The following ADGRG6 variants were observed in gnomAD, a reference collection of about 807,000 sequenced individuals.
ADGRG6 encodes the protein adhesion G protein-coupled receptor G6.
ADGRG6 carries 84 observed loss-of-function variants against 142.4 expected under a neutral mutation model. That is an observed-to-expected ratio of 0.59 (90% confidence interval 0.49 to 0.71). The LOEUF is 0.71. ADGRG6 is among the 30% of genes least tolerant of loss of function. The pLI is 0.00. For synonymous variants in ADGRG6, 521 were observed against 520.5 expected (o/e 1.00, Z -0.01); for missense variants, 1,367 against 1,466.6 (o/e 0.93, Z 1.11).
intron 21 of ADGRG6, 23 bp downstream of exon 21, chr6:142,417,392 G>A: frequency 1.0e-6 from 1 of 982,518 alleles, no homozygotes; most frequent in East Asian, 2.4e-5. Flanking sequence ...AACTTTTTGT[G>A]ATGAGTAGAT....
intron 24 of ADGRG6, among the ~76,000 whole-genome samples, chr6:142,438,870 T>C (rs2115200449): frequency 6.6e-6 from 1 of 152,314 alleles, no homozygotes; most frequent in African/African-American, 2.4e-5. Flanking sequence ...ATTTAGAAAG[T>C]GACACAGGGC....
intron 2 of ADGRG6, among the ~76,000 whole-genome samples, chr6:142,363,261 T>C (rs1165012360): frequency 6.6e-6 from 1 of 152,126 alleles, no homozygotes; most frequent in East Asian, 1.9e-4. Context: ...TTAAAGAGAT[T>C]TTAAAGAATA....
At position 142,443,461 on chromosome 6, in the gene ADGRG6, CT is replaced by C; in HGVS notation, c.3701del (p.Phe1234SerfsTer43). ...KGYCNAHSDN[F>X]YKNIIMSDTF... ...GTTATTGCAATGCTCATTCAGACAACTTCTATAAAAATATTATCATGTCAGA... is the reference window on the plus strand; with the variant it reads ...GTTATTGCAATGCTCATTCAGACAACTCTATAAAAATATTATCATGTCAGA... On this transcript the variant is annotated frameshift_variant, in exon 25 of 25. Transcript: ENST00000367609. LOFTEE classifies it high-confidence loss of function. 6.2e-7 allele frequency: 1 copy of C among 1,611,660 alleles called. No individual in the cohort carries two copies. Among genetic ancestry groups the C allele is most frequent in the Non-Finnish European group, 8.5e-7 (1 of 1,178,086 alleles).
In ADGRG6 at chr6:142,428,855, CTTAAT is replaced by C. The variant is rs71810747; in HGVS notation, c.3320-8574_3320-8570del. On this transcript the variant is annotated intron_variant, in intron 22 of 24. Coordinates refer to ENST00000367609, the MANE Select transcript of ADGRG6 (RefSeq NM_198569.3). ...ACACAAAGCCAAACCATATCACCTACTTAATTTAAGTTACAGAGTAAACATTTTGT... is the reference window on the plus strand; with the variant it reads ...ACACAAAGCCAAACCATATCACCTACTTAAGTTACAGAGTAAACATTTTGT... Among the ~76,000 whole-genome samples, 920 of 152,242 alleles carry C rather than the reference CTTAAT, an allele frequency of 6.0e-3. 14 individuals carry two copies. Among genetic ancestry groups the C allele is most frequent in the African/African-American group, 0.021 (873 of 41,546 alleles).
At chr6:142,402,199 A>G (rs1207349843) in intron 12 of ADGRG6, 141 bp downstream of exon 12, 8 of 543,530 alleles carry the variant, frequency 1.5e-5, no homozygotes, top group Non-Finnish European at 2.6e-5. Context: ...TTCACTTAAG[A>G]CAGAAAATAC....
At position 142,406,558 on chromosome 6, in the gene ADGRG6, T is replaced by A. The variant is rs138843658; in HGVS notation, c.2268+730T>A. 1.4e-4 allele frequency among the ~76,000 whole-genome samples: 22 copies of A among 152,342 alleles called. 1 individual carries two copies. In the East Asian group the frequency reaches 4.2e-3, roughly 29 times the overall value. On this transcript the variant is annotated intron_variant, in intron 15 of 24. Transcript: ENST00000367609. ...CTCAAGGTCAGAGAATTGTTTCTAA[T>A]AGATCTGCCTTTATATGTCATGTGT... is the stretch of plus-strand genomic sequence containing the variant.
At chr6:142,334,579 AAT>A (rs1779221281) in intron 2 of ADGRG6, among the ~76,000 whole-genome samples, 1 of 152,190 alleles carries the variant, frequency 6.6e-6, no homozygotes, top group Non-Finnish European at 1.5e-5. Flanking sequence ...CCAACAGTGG[AAT>A]GGCTTTTTCC....
chr6:142,386,397 A>G (rs1782023617), intron 6 of ADGRG6, among the ~76,000 whole-genome samples: 1 of 152,254 alleles, frequency 6.6e-6, no homozygotes, highest in Non-Finnish European at 1.5e-5. Flanking sequence ...AACACTTCTA[A>G]TATTAAACAT....
intron 14 of ADGRG6, 120 bp from the exon 15 acceptor site, chr6:142,405,568 A>T (rs1425754879): frequency 1.3e-6 from 1 of 755,770 alleles, no homozygotes; most frequent in African/African-American, 1.7e-5. Context: ...TACAAAGGGA[A>T]GTCCTGGTAC....
chr6:142,408,205 G>A lies in ADGRG6; in HGVS notation c.2324G>A (p.Gly775Glu). Residue 775 changes from glycine (G) to glutamate (E), a missense_variant, in exon 16 of 25, where the codon GGA becomes GAA. Around this residue, in one of 3 missense-constraint regions of ADGRG6, gnomAD observed 286 missense variants for 371.4 expected, o/e 0.77. Transcript: ENST00000367609. ...AGTTATGTGATGGCGTGCAGTATTG[G>A]AAACATTACTATCCAGAATCTGAAG... is the stretch of plus-strand genomic sequence containing the variant. Reference protein sequence around the residue: ...LVSYVMACSIGNITIQNLKDP... With the variant: ...LVSYVMACSIENITIQNLKDP... 6.3e-7 allele frequency: 1 copy of A among 1,586,426 alleles called. No individual in the cohort carries two copies. Among genetic ancestry groups the A allele is most frequent in the Non-Finnish European group, 8.6e-7 (1 of 1,162,150 alleles).
rs765111753 is a variant in ADGRG6, at chr6:142,414,924, C to T, written c.2542-45C>T. The stretch of plus-strand genomic sequence containing the variant: ...TTCTAGTGAAACAGAGAACCATTCT[C>T]ATGAGAAGAGAGTTTCTTACAGCTG... On this transcript the variant is annotated intron_variant, in intron 18 of 24. Transcript: ENST00000367609. 5.1e-6 allele frequency: 8 copies of T among 1,561,628 alleles called. No homozygotes were observed. In the Admixed American group the frequency reaches 1.1e-4, roughly 22 times the overall value.
chr6:142,323,761 C>T (rs562796254), intron 2 of ADGRG6, among the ~76,000 whole-genome samples: 5 of 151,858 alleles, frequency 3.3e-5, no homozygotes, highest in African/African-American at 1.2e-4. Context: ...TAAGTATTTG[C>T]GTATCTGAAT....
chr6:142,307,270 C>T (rs1427830015), intron 1 of ADGRG6, among the ~76,000 whole-genome samples: 1 of 152,004 alleles, frequency 6.6e-6, no homozygotes, highest in Non-Finnish European at 1.5e-5. Context: ...CTGATACATC[C>T]TTCTGTTAAT....
intron 2 of ADGRG6, among the ~76,000 whole-genome samples, chr6:142,360,423 C>T (rs1323494018): frequency 6.6e-6 from 1 of 152,088 alleles, no homozygotes; most frequent in East Asian, 1.9e-4. Flanking sequence ...TATTAGAGTA[C>T]TGGCTTGAGG....
chr6:142,337,148 T>A (rs1779356302), intron 2 of ADGRG6, among the ~76,000 whole-genome samples: 1 of 152,218 alleles, frequency 6.6e-6, no homozygotes, highest in East Asian at 1.9e-4. Flanking sequence ...GCCATTAGCA[T>A]CCTTTAAAAT....
At chr6:142,430,981 C>CT (rs1777180458) in intron 22 of ADGRG6, among the ~76,000 whole-genome samples, 3 of 152,128 alleles carry the variant, frequency 2.0e-5, no homozygotes, top group African/African-American at 7.2e-5. Context: ...ACTTTCAGCA[C>CT]TTGTGTGTTA....
chr6:142,376,635 A>G (rs1781517171), intron 4 of ADGRG6, among the ~76,000 whole-genome samples: 3 of 152,216 alleles, frequency 2.0e-5, no homozygotes, highest in Admixed American at 2.0e-4. Flanking sequence ...AAATGATTGA[A>G]TGTAATATTT....
In ADGRG6 at chr6:142,443,393, A is replaced by G; in HGVS notation, c.3631A>G (p.Thr1211Ala). 6.2e-7 allele frequency: 1 copy of G among 1,612,042 alleles called. No homozygotes were observed. Among genetic ancestry groups the G allele is most frequent in the East Asian group, 2.2e-5 (1 of 44,858 alleles). ...ACTGGCCCATGCTGATGGAGATCAA[A>G]CATCAATCATCCCTGTCCATCAGGT... ...SKLAHADGDQ[T>A]SIIPVHQVID... Residue 1211 changes from threonine to alanine, a missense_variant, in exon 25 of 25, where the codon ACA (threonine) becomes GCA (alanine). By Grantham distance (58) the Thr-to-Ala change is moderately conservative. Transcript: ENST00000367609.
At chr6:142,313,423 T>C (rs1777867196) in intron 2 of ADGRG6, among the ~76,000 whole-genome samples, 1 of 152,022 alleles carries the variant, frequency 6.6e-6, no homozygotes, top group South Asian at 2.1e-4. Context: ...AGCCAATACA[T>C]TTCTAAGCAA....
Sources: gnomAD v4.1 joint callset for allele counts (sites outside exome capture counted in the v4.1 genomes callset) on GRCh38, gnomAD v4.1.1 for gene constraint, gnomAD v4.1.1 regional missense constraint, MANE v1.5 for transcripts, NCBI Gene and HGNC (gene_info 2026-07-23, HGNC 2026-07-21) for gene names.